The following TGFB3 variants were observed in gnomAD, a reference collection of about 807,000 sequenced individuals.
TGFB3 encodes the protein transforming growth factor beta 3, also known as transforming growth factor beta-3 proprotein.
TGFB3 carries 5 observed loss-of-function variants against 40.1 expected under a neutral mutation model. The ratio of observed to expected loss-of-function variants is 0.12; its 90% CI spans 0.07 to 0.26. TGFB3 has a LOEUF of 0.26. TGFB3 is among the 10% of genes least tolerant of loss of function. The probability of loss-of-function intolerance (pLI) is 1.00; values close to 1 mark genes in which losing one functional copy is unlikely to be tolerated. For missense variants in TGFB3, 373 were observed against 530.1 expected, an observed-to-expected ratio of 0.70 and a Z score of 2.91; for synonymous variants, 184 against 205.6, an observed-to-expected ratio of 0.89 and a Z score of 0.90.
intron 3 of TGFB3, among the ~76,000 whole-genome samples, chr14:75,968,951 G>A (rs1355522489): frequency 6.6e-6 from 1 of 152,150 alleles, no homozygotes; most frequent in Non-Finnish European, 1.5e-5. Context: ...TCACTCTTGG[G>A]GAACAATAGG....
intron 3 of TGFB3, 200 bp from the exon 4 acceptor site, chr14:75,965,895 A>T (rs1412096878): frequency 3.2e-5 from 19 of 603,038 alleles, no homozygotes; most frequent in Non-Finnish European, 1.8e-5. Flanking sequence ...CATTCCAGGT[A>T]TTCCTGTTGT....
intron 6 of TGFB3, 150 bp from the exon 7 acceptor site, chr14:75,959,495 T>C: frequency 1.1e-6 from 1 of 894,680 alleles, no homozygotes. Context: ...GGGGGCCGGG[T>C]GCAGTGGCTC....
rs1380630603 is a variant in TGFB3 at position 75,980,593 on chromosome 14, A to G, written c.301T>C (p.Tyr101His). The part of the protein sequence containing the change: ...CTQENTESEY[Y>H]AKEIHKFDMI... ...TCGAATTTATGGATTTCTTTGGCAT[A>G]GTATTCCGACTCGGTGTTTTCCTGG... Residue 101 changes from tyrosine (Y) to histidine (H), a missense_variant, in exon 1 of 7, where the codon TAT (tyrosine) becomes CAT (histidine). By Grantham distance (83) the Tyr-to-His change is moderately conservative (BLOSUM62 2). Coordinates refer to ENST00000238682, the MANE Select transcript of TGFB3 (RefSeq NM_003239.5). The surrounding 1 kb of genome is among the most constrained non-coding windows in gnomAD (Gnocchi z 4.3). 1.2e-6 allele frequency: 2 copies of G among 1,614,110 alleles called. No individual in the cohort carries two copies. Among genetic ancestry groups the G allele is most frequent in the East Asian group, 2.2e-5 (1 of 44,898 alleles).
At chr14:75,960,880 C>T (rs1267333276) in intron 6 of TGFB3, 43 bp downstream of exon 6, 3 of 1,613,242 alleles carry the variant, frequency 1.9e-6, no homozygotes, top group Admixed American at 1.7e-5. Flanking sequence ...GTGGTCTGGT[C>T]GGTCAGCCCC....
At position 75,979,702 on chromosome 14, in the gene TGFB3, C is replaced by CT. The variant is rs1377321234; in HGVS notation, c.352+839_352+840insA. Among the ~76,000 whole-genome samples the CT allele has an allele frequency of 1.3e-5, 2 of 150,416 alleles. No individual in the cohort carries two copies. The highest frequency in any genetic ancestry group is 2.1e-4 in the South Asian group (1 of 4,750). Reference sequence around the variant, plus strand: ...CGGCAGGCTCCCAGACATATCCCCCCCCCCCACCATGCACCCACTGCCACC... The same window carrying CT: ...CGGCAGGCTCCCAGACATATCCCCCCTCCCCCACCATGCACCCACTGCCACC... On this transcript the variant is annotated intron_variant, in intron 1 of 6. Transcript: ENST00000238682. The surrounding 1 kb of genome is among the most constrained non-coding windows in gnomAD (Gnocchi z 4.8).
chr14:75,967,366 G>A (rs2035232480), intron 3 of TGFB3, among the ~76,000 whole-genome samples: 1 of 152,230 alleles, frequency 6.6e-6, no homozygotes, highest in South Asian at 2.1e-4. Context: ...CAAGGCAGCT[G>A]AGACCCAGCT....
chr14:75,967,961 C>A lies in TGFB3; in HGVS notation c.647-2266G>T, dbSNP rs186588626. On this transcript the variant is annotated intron_variant, in intron 3 of 6. Transcript: ENST00000238682. ...AGATGGTTGTTTCCCAGTGTCCCACCTTTCCTGAGCCATGATGCTGAGAGG... is the reference window on the plus strand; with the variant it reads ...AGATGGTTGTTTCCCAGTGTCCCACATTTCCTGAGCCATGATGCTGAGAGG... Among the ~76,000 whole-genome samples the A allele has an allele frequency of 5.4e-3, 823 of 152,288 alleles. 26 individuals are homozygous for A. Among genetic ancestry groups the A allele is most frequent in the Admixed American group, 0.051 (778 of 15,292 alleles).
At chr14:75,963,156 A>G (rs2035177768) in intron 5 of TGFB3, 160 bp downstream of exon 5, 1 of 840,600 alleles carries the variant, frequency 1.2e-6, no homozygotes, top group Non-Finnish European at 2.0e-6. Flanking sequence ...GAGATTTCAC[A>G]GAGAAAATCT....
chr14:75,967,628 CCTGGCTTGGCCAA>C (rs1201318888), intron 3 of TGFB3, among the ~76,000 whole-genome samples: 2 of 152,118 alleles, frequency 1.3e-5, no homozygotes, highest in African/African-American at 4.8e-5. Context: ...AAGAGGGTGG[CCTGGCTTGGCCAA>C]CAGGCTGTAT....
rs886050793 is a variant in TGFB3 at position 75,958,682 on chromosome 14, C to T, written c.*505G>A. ...GACAGTATGAGATACAATTCTGGGA[C>T]TTTGTCTTCGTAACCTGTCTTTAAA... On this transcript the variant is annotated 3_prime_UTR_variant, in exon 7 of 7. Transcript: ENST00000238682. The T allele has an allele frequency of 1.4e-5, 3 of 209,902 alleles. No homozygotes were observed. Among genetic ancestry groups the T allele is most frequent in the Non-Finnish European group, 2.9e-5 (3 of 104,158 alleles). The allele number at this position is 209,902 out of a possible 1,614,324, so 13.0% of individuals were successfully genotyped here.
At chr14:75,964,015 TAC>T (rs766844927) in intron 4 of TGFB3, among the ~76,000 whole-genome samples, 36 of 152,266 alleles carry the variant, frequency 2.4e-4, no homozygotes, top group Middle Eastern at 3.4e-3. Flanking sequence ...TAGCTGGGAT[TAC>T]AGGTGCATGC....
At chr14:75,966,814 G>A (rs1236201481) in intron 3 of TGFB3, 1 of 152,270 alleles carries the variant, frequency 6.6e-6, no homozygotes, top group Non-Finnish European at 1.5e-5. Flanking sequence ...TCTGCACTGA[G>A]ACAAGTAGTT....
At chr14:75,966,857 T>C (rs2035227388) in intron 3 of TGFB3, 1 of 152,280 alleles carries the variant, frequency 6.6e-6, no homozygotes, top group Non-Finnish European at 1.5e-5. Context: ...TCTGGTATCA[T>C]GTCAATTCTG....
In TGFB3 at chr14:75,980,351, C is replaced by G. The variant is rs1284248473; in HGVS notation, c.352+191G>C. Among the ~76,000 whole-genome samples the G allele has an allele frequency of 2.0e-5, 3 of 152,210 alleles. No homozygotes were observed. Among genetic ancestry groups the G allele is most frequent in the African/African-American group, 7.2e-5 (3 of 41,452 alleles). On this transcript the variant is annotated intron_variant, in intron 1 of 6. Coordinates refer to ENST00000238682, the MANE Select transcript of TGFB3 (RefSeq NM_003239.5). This position sits in a 1 kb window ranked among gnomAD's most constrained non-coding sequence, Gnocchi z 4.3. ...GCCTCCCAGAAGCGCCGGCTCTTAA[C>G]AGAATGGCTCTATCTCCTTCCCCAC...
At chr14:75,976,282 C>A (rs1051204596) in intron 1 of TGFB3, among the ~76,000 whole-genome samples, 1 of 152,166 alleles carries the variant, frequency 6.6e-6, no homozygotes, top group African/African-American at 2.4e-5. Context: ...CATTCCCCAG[C>A]AGTTCTGACT....
chr14:75,973,539 T>C (rs1464735260), intron 1 of TGFB3, among the ~76,000 whole-genome samples: 1 of 152,234 alleles, frequency 6.6e-6, no homozygotes, highest in African/African-American at 2.4e-5. Flanking sequence ...TTTACAAGTT[T>C]GTAATACTCT....
intron 3 of TGFB3, among the ~76,000 whole-genome samples, chr14:75,970,023 A>G (rs2035269491): frequency 6.6e-6 from 1 of 152,148 alleles, no homozygotes; most frequent in Admixed American, 6.5e-5. Flanking sequence ...TCTTTTAAAG[A>G]TGTCAATCAA....
upstream of TGFB3, among the ~76,000 whole-genome samples, chr14:75,982,059 G>C (rs1182281436): frequency 6.6e-6 from 1 of 152,160 alleles, no homozygotes; most frequent in Non-Finnish European, 1.5e-5. The surrounding 1 kb of genome is among the most constrained non-coding windows in gnomAD (Gnocchi z 4.0). Flanking sequence ...CCTGGGGTGG[G>C]GGAGGGAGGG....
At chr14:75,982,300 G>A (rs1303581619), upstream of TGFB3, among the ~76,000 whole-genome samples, 1 of 152,134 alleles carries the variant, frequency 6.6e-6, no homozygotes, top group Non-Finnish European at 1.5e-5. The surrounding 1 kb of genome is among the most constrained non-coding windows in gnomAD (Gnocchi z 4.0). Flanking sequence ...CTCGCCAGCT[G>A]TCAGTCCGCG....
Sources: gnomAD v4.1 joint callset for allele counts (sites outside exome capture counted in the v4.1 genomes callset) on GRCh38, gnomAD v4.1.1 for gene constraint, Gnocchi (gnomAD v3.1) non-coding constraint, MANE v1.5 for transcripts, NCBI Gene and HGNC (gene_info 2026-07-23, HGNC 2026-07-21) for gene names.